SYN2: variants seen among roughly 807,000 people sequenced by gnomAD.
SYN2 encodes the protein synapsin-2.
Under a neutral mutation model 50.9 loss-of-function variants are expected in SYN2, and 19 were observed. The ratio of observed to expected loss-of-function variants is 0.37; its 90% CI spans 0.26 to 0.55. SYN2 has a LOEUF of 0.55. SYN2 is among the 20% of genes least tolerant of loss of function. The pLI is 0.81. For missense variants in SYN2, 587 were observed against 576.4 expected, an observed-to-expected ratio of 1.02 and a Z score of -0.19; for synonymous variants, 255 against 224.9, an observed-to-expected ratio of 1.13 and a Z score of -1.20.
intron 1 of SYN2, among the ~76,000 whole-genome samples, chr3:12,107,930 G>A (rs1412530655): frequency 1.3e-5 from 2 of 152,154 alleles, no homozygotes; most frequent in Non-Finnish European, 2.9e-5. Context: ...AGTAAGGCCA[G>A]CCGTGCATGG....
At chr3:12,177,736 AAACT>A (rs759652263) in intron 10 of SYN2, among the ~76,000 whole-genome samples, 12 of 152,188 alleles carry the variant, frequency 7.9e-5, no homozygotes, top group Non-Finnish European at 1.6e-4. Context: ...CTATTAAGAG[AAACT>A]AACTATTCTG....
At chr3:12,126,233 G>A (rs979618497) in intron 1 of SYN2, among the ~76,000 whole-genome samples, 15 of 152,128 alleles carry the variant, frequency 9.9e-5, no homozygotes, top group Admixed American at 3.9e-4. Context: ...TTCATAGATC[G>A]GCAGAAGTCC....
At chr3:12,085,248 C>CT (rs1695670175) in intron 1 of SYN2, among the ~76,000 whole-genome samples, 1 of 151,760 alleles carries the variant, frequency 6.6e-6, no homozygotes, top group Non-Finnish European at 1.5e-5. Context: ...ACAAAATAGA[C>CT]TTTAATTCAA....
At chr3:12,175,899 C>G (rs918973635) in intron 10 of SYN2, among the ~76,000 whole-genome samples, 1 of 152,216 alleles carries the variant, frequency 6.6e-6, no homozygotes, top group African/African-American at 2.4e-5. Context: ...GTGGTAAAGC[C>G]TGATCTGGTT....
intron 1 of SYN2, among the ~76,000 whole-genome samples, chr3:12,060,054 C>G (rs1277408924): frequency 6.6e-6 from 1 of 152,150 alleles, no homozygotes; most frequent in Non-Finnish European, 1.5e-5. Context: ...ACAAGCCAAT[C>G]TAGGAAGTCT....
chr3:12,020,031 C>G (rs952429308), intron 1 of SYN2, among the ~76,000 whole-genome samples: 4 of 152,054 alleles, frequency 2.6e-5, no homozygotes, highest in Admixed American at 2.0e-4. Flanking sequence ...ACAGATGTTG[C>G]GTAGGTTGGA....
At chr3:12,107,138 C>T (rs1284333314) in intron 1 of SYN2, among the ~76,000 whole-genome samples, 1 of 152,070 alleles carries the variant, frequency 6.6e-6, no homozygotes, top group African/African-American at 2.4e-5. Context: ...TTCATATAAT[C>T]ATGTGCCTTA....
chr3:12,163,549 C>T (rs1462949974), intron 7 of SYN2, among the ~76,000 whole-genome samples: 1 of 152,162 alleles, frequency 6.6e-6, no homozygotes, highest in Non-Finnish European at 1.5e-5. Flanking sequence ...CTCCTCCAGA[C>T]TCTGAGTTCC....
intron 2 of SYN2, 28 bp downstream of exon 2, chr3:12,140,736 T>TC (rs1696999209): frequency 1.4e-6 from 1 of 740,288 alleles, no homozygotes; most frequent in African/African-American, 1.7e-5. Flanking sequence ...CAGAGCTGCA[T>TC]CCCCGTCATC....
intron 4 of SYN2, among the ~76,000 whole-genome samples, chr3:12,147,354 C>G (rs990901893): frequency 6.6e-6 from 1 of 152,104 alleles, no homozygotes; most frequent in African/African-American, 2.4e-5. Context: ...GACAAGTAGT[C>G]AGGAGGGCTG....
At chr3:12,051,182 T>C (rs555815937) in intron 1 of SYN2, among the ~76,000 whole-genome samples, 11 of 152,206 alleles carry the variant, frequency 7.2e-5, no homozygotes, top group Non-Finnish European at 1.3e-4. Context: ...TATGTAACAA[T>C]GGACCTATTA....
At chr3:12,154,541 C>T (rs1185762959) in intron 5 of SYN2, 2 of 1,492,384 alleles carry the variant, frequency 1.3e-6, no homozygotes, top group Non-Finnish European at 1.8e-6. Context: ...AGAATTGCAG[C>T]CTCCCCAATG....
chr3:12,166,259 A>AT (rs1453427907), intron 7 of SYN2, among the ~76,000 whole-genome samples: 1 of 152,218 alleles, frequency 6.6e-6, no homozygotes, highest in Non-Finnish European at 1.5e-5. Context: ...TCGACAGTGT[A>AT]AGCAGGACTC....
chr3:12,127,039 A>T (rs1384090396), intron 1 of SYN2, among the ~76,000 whole-genome samples: 1 of 152,222 alleles, frequency 6.6e-6, no homozygotes, highest in African/African-American at 2.4e-5. Context: ...AATTAATTAG[A>T]ATTACAATAT....
At chr3:12,148,888 G>A (rs1189264550) in intron 4 of SYN2, among the ~76,000 whole-genome samples, 1 of 152,166 alleles carries the variant, frequency 6.6e-6, no homozygotes, top group African/African-American at 2.4e-5. Flanking sequence ...AGCACCCCCA[G>A]CTCCCAAATT....
intron 10 of SYN2, among the ~76,000 whole-genome samples, chr3:12,178,445 C>G (rs1434904222): frequency 6.6e-6 from 1 of 152,196 alleles, no homozygotes; most frequent in Non-Finnish European, 1.5e-5. Context: ...TTACCTTTGA[C>G]AAAAACCCAC....
intron 1 of SYN2, among the ~76,000 whole-genome samples, chr3:12,034,264 T>A (rs969530373): frequency 6.6e-6 from 1 of 152,236 alleles, no homozygotes; most frequent in African/African-American, 2.4e-5. Flanking sequence ...ATTGTGGTTT[T>A]GGTTTGCATT....
chr3:12,120,281 CCA>C (rs1696524964), intron 1 of SYN2, among the ~76,000 whole-genome samples: 1 of 152,042 alleles, frequency 6.6e-6, no homozygotes, highest in Non-Finnish European at 1.5e-5. Flanking sequence ...GCTTTTTTAA[CCA>C]CAGTTTTTTT....
At chr3:12,096,256 C>T (rs1181403646) in intron 1 of SYN2, among the ~76,000 whole-genome samples, 1 of 152,140 alleles carries the variant, frequency 6.6e-6, no homozygotes, top group Non-Finnish European at 1.5e-5. Context: ...CTCTATACAG[C>T]AGGGAAAGAG....
Sources: allele counts gnomAD v4.1 joint callset (sites outside exome capture counted in the v4.1 genomes callset), GRCh38; gene constraint gnomAD v4.1.1; transcripts MANE v1.5; gene names NCBI Gene and HGNC (gene_info 2026-07-23, HGNC 2026-07-21).